TMTC1: variants seen among roughly 807,000 people sequenced by gnomAD.
TMTC1 encodes protein O-mannosyl-transferase TMTC1.
Under a neutral mutation model 104.8 loss-of-function variants are expected in TMTC1, and 73 were observed. The ratio of observed to expected loss-of-function variants is 0.70; its 90% CI spans 0.58 to 0.85. The LOEUF (loss-of-function observed/expected upper bound fraction) is 0.85, where lower values mean the gene tolerates loss of function less well. Among genes scored for constraint, TMTC1 ranks in the 40% least tolerant of loss-of-function variants. The pLI is 0.00. For missense variants in TMTC1, 1,035 were observed against 1,096.1 expected (o/e 0.94, Z 0.79); for synonymous variants, 434 against 428.7 (o/e 1.01, Z -0.15).
At chr12:29,520,944 C>A (rs947480313) in intron 11 of TMTC1, 4 of 464,210 alleles carry the variant, frequency 8.6e-6, no homozygotes, top group African/African-American at 7.9e-5. Flanking sequence ...TCCCTTAGGG[C>A]GAAAAAGATG....
intron 11 of TMTC1, among the ~76,000 whole-genome samples, chr12:29,526,803 T>A (rs1231920840): frequency 1.1e-4 from 17 of 152,182 alleles, no homozygotes; most frequent in Non-Finnish European, 2.5e-4. Flanking sequence ...GTTGTTTTTT[T>A]TCTCCTGTGG....
rs199676601 is a variant in TMTC1 at position 29,666,392 on chromosome 12, T to TG, written c.939-33057_939-33056insC. 6.1e-3 allele frequency: 2,049 copies of TG among 333,880 alleles called. 8 individuals are homozygous for TG. The highest frequency in any genetic ancestry group is 8.7e-3 in the Non-Finnish European group (1,526 of 174,954). 20.7% of individuals were successfully genotyped at this position (333,880 alleles called of 1,614,324 possible). On this transcript the variant is annotated intron_variant, in intron 5 of 17. Transcript: ENST00000539277. ...ACCACCATGCCTGGCTAATTTTTTT[T>TG]TTGTTGTTGTTGTTGTATTTTTAGT... is the stretch of plus-strand genomic sequence containing the variant.
intron 5 of TMTC1, among the ~76,000 whole-genome samples, chr12:29,751,331 G>A (rs1449129847): frequency 1.3e-5 from 2 of 152,154 alleles, no homozygotes; most frequent in Non-Finnish European, 2.9e-5. Context: ...AGCAGAGAGA[G>A]AGAGGCAGGA....
At chr12:29,719,894 C>T (rs1942188094) in intron 5 of TMTC1, among the ~76,000 whole-genome samples, 1 of 152,086 alleles carries the variant, frequency 6.6e-6, no homozygotes, top group African/African-American at 2.4e-5. Flanking sequence ...GCAGTATTGC[C>T]AGAACAAGAA....
intron 5 of TMTC1, among the ~76,000 whole-genome samples, chr12:29,657,199 A>T (rs1939801797): frequency 6.6e-6 from 1 of 152,234 alleles, no homozygotes; most frequent in Non-Finnish European, 1.5e-5. Context: ...AAATCAACCC[A>T]AAGCTAAAGG....
chr12:29,542,723 A>C (rs1166864713), intron 10 of TMTC1, among the ~76,000 whole-genome samples: 2 of 152,072 alleles, frequency 1.3e-5, no homozygotes, highest in African/African-American at 4.8e-5. Flanking sequence ...AGACAGGATA[A>C]AGAAGACTTC....
In TMTC1 at chr12:29,713,861, G is replaced by A. The variant is rs1477233538; in HGVS notation, c.938+37805C>T. 2.0e-5 allele frequency among the ~76,000 whole-genome samples: 3 copies of A among 152,268 alleles called. No individual in the cohort carries two copies. The South Asian group carries it at 6.2e-4, about 32-fold the overall frequency. Reference sequence around the variant, plus strand: ...AAAATATAATTTCCAATGCCACCGTGTAGAGAGGTGAGGTGTAACAAGAGA... The same window carrying A: ...AAAATATAATTTCCAATGCCACCGTATAGAGAGGTGAGGTGTAACAAGAGA... On this transcript the variant is annotated intron_variant, in intron 5 of 17. Coordinates refer to ENST00000539277, the MANE Select transcript of TMTC1 (RefSeq NM_001193451.2).
chr12:29,565,256 C>G (rs1455860011), intron 9 of TMTC1, among the ~76,000 whole-genome samples: 1 of 152,146 alleles, frequency 6.6e-6, no homozygotes, highest in African/African-American at 2.4e-5. Context: ...ATGAGGCCTA[C>G]CCACATTCTG....
intron 5 of TMTC1, among the ~76,000 whole-genome samples, chr12:29,710,625 T>C (rs1228401073): frequency 7.0e-6 from 1 of 143,512 alleles, no homozygotes; most frequent in African/African-American, 2.5e-5. Context: ...TTTATATTTA[T>C]ATTTTTATAT....
intron 8 of TMTC1, among the ~76,000 whole-genome samples, chr12:29,580,667 T>G (rs1285289947): frequency 6.6e-6 from 1 of 152,178 alleles, no homozygotes; most frequent in Non-Finnish European, 1.5e-5. Context: ...TACATTTTTC[T>G]TACTCCACTC....
chr12:29,621,510 A>T (rs922646629), intron 6 of TMTC1, among the ~76,000 whole-genome samples: 3 of 152,080 alleles, frequency 2.0e-5, no homozygotes, highest in Non-Finnish European at 4.4e-5. Context: ...TTCTTTTTTT[A>T]AAAAAAGTTT....
At chr12:29,679,599 G>T (rs1400520575) in intron 5 of TMTC1, among the ~76,000 whole-genome samples, 21 of 151,940 alleles carry the variant, frequency 1.4e-4, no homozygotes, top group Admixed American at 1.4e-3. Context: ...ATACTGCTAT[G>T]GAGTGATCGC....
Position 29,751,333 on chromosome 12 carries a change from G to A in TMTC1, c.938+333C>T, listed in dbSNP as rs113999886. On this transcript the variant is annotated intron_variant, in intron 5 of 17. Transcript: ENST00000539277. The stretch of plus-strand genomic sequence containing the variant: ...ATCAAACACAAAGAGCAGAGAGAGA[G>A]AGGCAGGAGAAGGGGAGGGAGAACG... 6.6e-3 allele frequency among the ~76,000 whole-genome samples: 1,009 copies of A among 152,274 alleles called. 10 individuals are homozygous for A. Among genetic ancestry groups the A allele is most frequent in the African/African-American group, 0.023 (951 of 41,552 alleles).
rs1370917082 is a variant in TMTC1 at position 29,506,891 on chromosome 12, G to GCGAT, written c.2600_2603dup (p.Leu869SerfsTer25). ...GAACTTCTTGTAATCGTTTTTCTAGGCGATCCAATTTGGCAAGATTTTCCT... is the reference window on the plus strand; with the variant it reads ...GAACTTCTTGTAATCGTTTTTCTAGGCGATCGATCCAATTTGGCAAGATTTTCCT... On this transcript the variant is annotated frameshift_variant, in exon 18 of 18. Coordinates refer to ENST00000539277, the MANE Select transcript of TMTC1 (RefSeq NM_001193451.2). LOFTEE classifies it high-confidence loss of function. 6.2e-7 allele frequency: 1 copy of GCGAT among 1,614,092 alleles called. No homozygotes were observed.
chr12:29,746,314 A>G (rs548072437), intron 5 of TMTC1, among the ~76,000 whole-genome samples: 2 of 152,316 alleles, frequency 1.3e-5, no homozygotes, highest in African/African-American at 4.8e-5. Flanking sequence ...CAATCAATGA[A>G]TATGATGTAT....
intron 5 of TMTC1, among the ~76,000 whole-genome samples, chr12:29,732,856 A>G (rs1032735797): frequency 2.6e-5 from 4 of 152,092 alleles, no homozygotes; most frequent in Non-Finnish European, 5.9e-5. Context: ...TTCTCATGCC[A>G]TTTAAAGTCA....
intron 6 of TMTC1, among the ~76,000 whole-genome samples, chr12:29,622,501 G>A (rs1320963479): frequency 2.0e-5 from 3 of 152,148 alleles, no homozygotes; most frequent in Non-Finnish European, 2.9e-5. Flanking sequence ...AAGTCTATAA[G>A]AGCCATAAAG....
At chr12:29,648,141 A>G (rs1235169014) in intron 5 of TMTC1, among the ~76,000 whole-genome samples, 1 of 152,262 alleles carries the variant, frequency 6.6e-6, no homozygotes, top group African/African-American at 2.4e-5. Context: ...CTGACAGGAC[A>G]GGTTACACAT....
At chr12:29,730,743 T>C (rs937777747) in intron 5 of TMTC1, among the ~76,000 whole-genome samples, 2 of 152,178 alleles carry the variant, frequency 1.3e-5, no homozygotes, top group African/African-American at 4.8e-5. Context: ...CCAGTAATAA[T>C]AACAGCTGTT....
Sources: allele counts gnomAD v4.1 joint callset (sites outside exome capture counted in the v4.1 genomes callset), GRCh38; gene constraint gnomAD v4.1.1; transcripts MANE v1.5; gene names NCBI Gene and HGNC (gene_info 2026-07-23, HGNC 2026-07-21).